The following CFTR variants were observed in gnomAD, a reference collection of about 807,000 sequenced individuals.
CFTR encodes the protein CF transmembrane conductance regulator, also known as cystic fibrosis transmembrane conductance regulator.
A neutral mutation model predicts 171.6 loss-of-function variants in CFTR; 181 were observed. That is an observed-to-expected ratio of 1.05 (90% CI 0.93 to 1.19). CFTR has a LOEUF of 1.19. CFTR is among the 50% of genes most tolerant of loss of function. The pLI, the probability that CFTR is intolerant of heterozygous loss-of-function variation, is 0.00. For missense variants in CFTR, 1,968 were observed against 1,734.7 expected (o/e 1.13, Z -2.39); for synonymous variants, 583 against 608.0 (o/e 0.96, Z 0.60).
chr7:117,635,646 G>A (rs971943207), intron 22 of CFTR, among the ~76,000 whole-genome samples: 5 of 151,824 alleles, frequency 3.3e-5, no homozygotes, highest in African/African-American at 1.2e-4. Flanking sequence ...GTTGCCCCTA[G>A]AGTTTGCAAT....
intron 26 of CFTR, 148 bp downstream of exon 26, chr7:117,665,712 G>T (rs921292556): frequency 2.9e-6 from 2 of 678,584 alleles, no homozygotes; most frequent in African/African-American, 1.8e-5. Context: ...ACTCAAAATA[G>T]CTGCACAAGT....
In CFTR at chr7:117,504,259, C is replaced by A. The variant is rs534609552; in HGVS notation, c.60C>A (p.Thr20=). Residue 20 remains threonine, a synonymous_variant, in exon 2 of 27, where the codon ACC becomes ACA. Coordinates refer to ENST00000003084, the MANE Select transcript of CFTR (RefSeq NM_000492.4). ...SVVSKLFFSW[T]RPILRKGYRQ... ...CCTCCTCTCTTTATTTTAGCTGGAC[C>A]AGACCAATTTTGAGGAAAGGATACA... 1 of 1,600,274 alleles carries A rather than the reference C, an allele frequency of 6.2e-7. No homozygotes were observed. The highest frequency in any genetic ancestry group is 8.6e-7 in the Non-Finnish European group (1 of 1,167,566).
intron 22 of CFTR, among the ~76,000 whole-genome samples, chr7:117,630,307 A>G (rs1197925520): frequency 6.6e-6 from 1 of 152,178 alleles, no homozygotes; most frequent in Admixed American, 6.6e-5. Flanking sequence ...CAGAGGAGGA[A>G]GCAGTTAGTA....
intron 1 of CFTR, among the ~76,000 whole-genome samples, chr7:117,498,893 A>G (rs7793127): frequency 0.25 from 37,727 of 150,974 alleles, 4,965 homozygotes; most frequent in East Asian, 0.42. Context: ...TTGGATGATC[A>G]GAAATTTTCT....
chr7:117,511,116 G>A (rs1041856498), intron 3 of CFTR, among the ~76,000 whole-genome samples: 1 of 152,062 alleles, frequency 6.6e-6, no homozygotes, highest in Non-Finnish European at 1.5e-5. Context: ...ACCAGCCTTG[G>A]TTCTGCTGAG....
At chr7:117,524,408 C>G (rs866148459) in intron 3 of CFTR, among the ~76,000 whole-genome samples, 1 of 139,306 alleles carries the variant, frequency 7.2e-6, no homozygotes, top group Non-Finnish European at 1.6e-5. Context: ...AAAAAAAAAA[C>G]CAAATCAAAG....
intron 3 of CFTR, among the ~76,000 whole-genome samples, chr7:117,519,065 A>G (rs886821537): frequency 1.3e-5 from 2 of 152,158 alleles, no homozygotes; most frequent in African/African-American, 4.8e-5. Flanking sequence ...AGTAATAATT[A>G]ATAAAATCAG....
chr7:117,600,487 T>C (rs1792206945), intron 15 of CFTR, among the ~76,000 whole-genome samples: 1 of 152,064 alleles, frequency 6.6e-6, no homozygotes, highest in Non-Finnish European at 1.5e-5. Context: ...AGAACTGCTG[T>C]ATCCTGTTTC....
intron 24 of CFTR, among the ~76,000 whole-genome samples, chr7:117,659,858 G>C (rs1175966852): frequency 6.6e-6 from 1 of 152,138 alleles, no homozygotes; most frequent in Non-Finnish European, 1.5e-5. Flanking sequence ...GGAGTTGACT[G>C]TATCTATTTT....
chr7:117,483,621 A>G (rs1798029917), intron 1 of CFTR, among the ~76,000 whole-genome samples: 2 of 152,070 alleles, frequency 1.3e-5, no homozygotes, highest in African/African-American at 4.8e-5. Context: ...GTGCAGTGAC[A>G]CAATCATAAC....
chr7:117,524,089 CG>C (rs1328544764), intron 3 of CFTR, among the ~76,000 whole-genome samples: 3 of 151,986 alleles, frequency 2.0e-5, no homozygotes, highest in African/African-American at 7.2e-5. Flanking sequence ...CTGTATTTAT[CG>C]TATGTCTGTA....
intron 9 of CFTR, among the ~76,000 whole-genome samples, chr7:117,546,809 T>C (rs1368546975): frequency 6.6e-6 from 1 of 152,206 alleles, no homozygotes; most frequent in Non-Finnish European, 1.5e-5. Context: ...GCCTAAATCA[T>C]TGTGCATGCA....
intron 1 of CFTR, among the ~76,000 whole-genome samples, chr7:117,489,506 G>T (rs533483613): frequency 2.0e-5 from 3 of 152,042 alleles, no homozygotes; most frequent in Middle Eastern, 3.4e-3. Flanking sequence ...ATCATATGTG[G>T]CTTATTATTG....
Position 117,666,916 on chromosome 7 carries a change from A to G in CFTR, c.4251A>G (p.Glu1417=). ...AACAGCCATTTCCCTAGGTCATAGA[A>G]GAGAACAAAGTGCGGCAGTACGATT... ...MLECQQFLVI[E]ENKVRQYDSI... is the part of the protein sequence containing the mutation. The change falls in exon 27 of 27, where the codon GAA becomes GAG. Residue 1417 remains glutamate (E), a synonymous_variant. Coordinates refer to ENST00000003084, the MANE Select transcript of CFTR (RefSeq NM_000492.4). The G allele has an allele frequency of 6.2e-7, 1 of 1,614,032 alleles. No homozygotes were observed. Among genetic ancestry groups the G allele is most frequent in the South Asian group, 1.1e-5 (1 of 91,072 alleles).
chr7:117,513,795 T>TA (rs1238167272), intron 3 of CFTR, among the ~76,000 whole-genome samples: 1 of 152,106 alleles, frequency 6.6e-6, no homozygotes, highest in African/African-American at 2.4e-5. Context: ...CTCACCCCCT[T>TA]ATCTAGCTGC....
At chr7:117,593,389 A>G (rs1362590957) in intron 14 of CFTR, among the ~76,000 whole-genome samples, 1 of 152,184 alleles carries the variant, frequency 6.6e-6, no homozygotes, top group Non-Finnish European at 1.5e-5. Flanking sequence ...CAGGGTTGTA[A>G]TGAATTGATA....
intron 21 of CFTR, among the ~76,000 whole-genome samples, chr7:117,615,096 A>G (rs1267655988): frequency 3.3e-5 from 5 of 152,142 alleles, no homozygotes; most frequent in African/African-American, 2.4e-5. Flanking sequence ...TCTCATAGCT[A>G]TGTATCTTCA....
chr7:117,566,258 C>T (rs937428011), intron 11 of CFTR, among the ~76,000 whole-genome samples: 1 of 150,646 alleles, frequency 6.6e-6, no homozygotes, highest in South Asian at 2.1e-4. Context: ...AACACACACA[C>T]ACACACACAC....
Position 117,587,838 on chromosome 7 carries a change from ATAAC to A in CFTR, c.1679+9_1679+12del, listed in dbSNP as rs1269055866. 2 of 1,514,968 alleles carry A rather than the reference ATAAC, an allele frequency of 1.3e-6. No homozygotes were observed. The highest frequency in any genetic ancestry group is 1.7e-5 in the Admixed American group (1 of 59,734). The allele number at this position is 1,514,968 out of a possible 1,614,324, so 93.8% of individuals were successfully genotyped here. A position where few individuals can be genotyped will look rare whatever the true frequency, so the allele number is the denominator to read the frequency against. On this transcript the variant is annotated splice_donor_region_variant and intron_variant, in intron 12 of 26. Coordinates refer to ENST00000003084, the MANE Select transcript of CFTR (RefSeq NM_000492.4). ...AGCAAGAATTTCTTTAGCAAGGTGAATAACTAATTATTGGTCTAGCAAGCATTTG... is the reference window on the plus strand; with the variant it reads ...AGCAAGAATTTCTTTAGCAAGGTGAATAATTATTGGTCTAGCAAGCATTTG...
Sources: gnomAD v4.1 joint callset for allele counts (sites outside exome capture counted in the v4.1 genomes callset) on GRCh38, gnomAD v4.1.1 for gene constraint, MANE v1.5 for transcripts, NCBI Gene and HGNC (gene_info 2026-07-23, HGNC 2026-07-21) for gene names.